MACROD2: variants seen among roughly 807,000 people sequenced by gnomAD.
MACROD2 encodes ADP-ribose glycohydrolase MACROD2.
Under a neutral mutation model 70.4 loss-of-function variants are expected in MACROD2, and 36 were observed. The observed-to-expected ratio is 0.51, with a 90% CI of 0.39 to 0.68. The LOEUF (loss-of-function observed/expected upper bound fraction) is 0.68, where lower values mean the gene tolerates loss of function less well. Ranked by LOEUF, MACROD2 falls within the 30% of genes least tolerant of loss-of-function variation. MACROD2 has a pLI of 0.00. For synonymous variants in MACROD2, 172 were observed against 178.8 expected, an observed-to-expected ratio of 0.96 and a Z score of 0.30; for missense variants, 496 against 538.4, an observed-to-expected ratio of 0.92 and a Z score of 0.78.
chr20:15,898,279 G>A (rs1328636580), intron 10 of MACROD2, among the ~76,000 whole-genome samples: 1 of 152,090 alleles, frequency 6.6e-6, no homozygotes, highest in African/African-American at 2.4e-5. Flanking sequence ...GCTTCACCTG[G>A]AAGCTCATGC....
chr20:14,795,870 A>G (rs1471712670), intron 5 of MACROD2, among the ~76,000 whole-genome samples: 4 of 151,944 alleles, frequency 2.6e-5, no homozygotes, highest in Non-Finnish European at 5.9e-5. Flanking sequence ...TCCTGTGAAA[A>G]CCAGGAGAGA....
intron 2 of MACROD2, among the ~76,000 whole-genome samples, chr20:14,082,919 G>A (rs1402932065): frequency 6.6e-6 from 1 of 152,136 alleles, no homozygotes; most frequent in Non-Finnish European, 1.5e-5. Flanking sequence ...TGGAACTCAA[G>A]GACTTGTGGC....
chr20:15,444,567 T>C (rs1288559560), intron 7 of MACROD2, among the ~76,000 whole-genome samples: 4 of 152,138 alleles, frequency 2.6e-5, no homozygotes, highest in Non-Finnish European at 4.4e-5. Context: ...TCTGTATCTC[T>C]GTGTGTAGTC....
intron 8 of MACROD2, among the ~76,000 whole-genome samples, chr20:15,614,649 G>A (rs553371471): frequency 1.3e-5 from 2 of 152,094 alleles, no homozygotes; most frequent in Non-Finnish European, 2.9e-5. Context: ...CAATAAAAAA[G>A]TATTGTATAC....
intron 5 of MACROD2, among the ~76,000 whole-genome samples, chr20:14,970,583 T>C (rs560792151): frequency 6.6e-6 from 1 of 152,330 alleles, no homozygotes; most frequent in East Asian, 1.9e-4. Flanking sequence ...GTATGAAAAC[T>C]ATGAATAATG....
intron 4 of MACROD2, among the ~76,000 whole-genome samples, chr20:14,527,189 C>T (rs999340475): frequency 6.6e-5 from 10 of 152,164 alleles, no homozygotes; most frequent in African/African-American, 2.2e-4. Flanking sequence ...TTCTTCTCGA[C>T]GTCCAGCCAC....
intron 3 of MACROD2, among the ~76,000 whole-genome samples, chr20:14,432,302 G>A (rs1472801973): frequency 3.9e-5 from 6 of 152,098 alleles, no homozygotes; most frequent in Admixed American, 1.3e-4. Context: ...TTTATGGGTA[G>A]CTCATACGTC....
intron 6 of MACROD2, among the ~76,000 whole-genome samples, chr20:15,378,630 T>C (rs2146273643): frequency 6.6e-6 from 1 of 152,278 alleles, no homozygotes; most frequent in East Asian, 1.9e-4. Flanking sequence ...GAAGAAGAAA[T>C]AAACTGCACA....
chr20:14,011,524 T>C (rs1400054236), intron 2 of MACROD2, among the ~76,000 whole-genome samples: 1 of 150,038 alleles, frequency 6.7e-6, no homozygotes, highest in Non-Finnish European at 1.5e-5. Flanking sequence ...ATATTCTTTC[T>C]CTTCGATTTT....
chr20:15,085,873 A>ACAAC (rs35503821), intron 5 of MACROD2, among the ~76,000 whole-genome samples: 20 of 144,386 alleles, frequency 1.4e-4, no homozygotes, highest in Admixed American at 4.8e-4. Flanking sequence ...ACACACACAC[A>ACAAC]ACACACACAC....
intron 8 of MACROD2, among the ~76,000 whole-genome samples, chr20:15,718,294 T>C (rs1317223982): frequency 2.6e-5 from 4 of 152,130 alleles, no homozygotes; most frequent in African/African-American, 9.7e-5. Context: ...TGGCCTTTTA[T>C]TGTGTTTTCT....
intron 5 of MACROD2, among the ~76,000 whole-genome samples, chr20:15,195,719 C>T (rs1418854299): frequency 6.6e-6 from 1 of 152,140 alleles, no homozygotes; most frequent in Non-Finnish European, 1.5e-5. Context: ...GCCGAGCAAA[C>T]CCATTACTGG....
chr20:14,043,013 A>C (rs562391461), intron 2 of MACROD2, among the ~76,000 whole-genome samples: 1 of 109,558 alleles, frequency 9.1e-6, no homozygotes, highest in African/African-American at 3.0e-5. Context: ...CGACCTTCTG[A>C]GCTCATATGA....
chr20:15,491,409 C>A (rs1309697627), intron 7 of MACROD2, among the ~76,000 whole-genome samples: 1 of 152,210 alleles, frequency 6.6e-6, no homozygotes, highest in Non-Finnish European at 1.5e-5. Context: ...TACATTTTGA[C>A]AGCTGTCATG....
At chr20:14,269,670 T>C (rs1162682961) in intron 3 of MACROD2, among the ~76,000 whole-genome samples, 1 of 152,188 alleles carries the variant, frequency 6.6e-6, no homozygotes, top group Non-Finnish European at 1.5e-5. Flanking sequence ...ATACAAATAG[T>C]CATTAATAAA....
chr20:15,086,560 G>C (rs1325273722), intron 5 of MACROD2, among the ~76,000 whole-genome samples: 1 of 152,042 alleles, frequency 6.6e-6, no homozygotes, highest in African/African-American at 2.4e-5. Context: ...GATTATTTTT[G>C]GATACCAGCT....
At chr20:14,265,562 A>G (rs1310439787) in intron 3 of MACROD2, among the ~76,000 whole-genome samples, 1 of 152,126 alleles carries the variant, frequency 6.6e-6, no homozygotes, top group African/African-American at 2.4e-5. Context: ...TATTTGTGAA[A>G]TGTTAATGAC....
At chr20:14,374,461 T>C (rs1600173989) in intron 3 of MACROD2, among the ~76,000 whole-genome samples, 2 of 152,170 alleles carry the variant, frequency 1.3e-5, no homozygotes, top group African/African-American at 4.8e-5. Context: ...AGATTAATGA[T>C]GTCAGACACA....
chr20:14,829,167 T>C (rs1371647466), intron 5 of MACROD2, among the ~76,000 whole-genome samples: 1 of 147,026 alleles, frequency 6.8e-6, no homozygotes, highest in Non-Finnish European at 1.5e-5. Context: ...TCTCACTCTG[T>C]CGCCCAGGCT....
Sources: gnomAD v4.1 joint callset for allele counts (sites outside exome capture counted in the v4.1 genomes callset) on GRCh38, gnomAD v4.1.1 for gene constraint, MANE v1.5 for transcripts, NCBI Gene and HGNC (gene_info 2026-07-23, HGNC 2026-07-21) for gene names.